Variants in LRRFIP2 observed in about 807,000 individuals in gnomAD.
LRRFIP2 encodes the protein LRR binding FLII interacting protein 2.
A neutral mutation model predicts 125.9 loss-of-function variants in LRRFIP2; 109 were observed. The ratio of observed to expected loss-of-function variants is 0.87; its 90% CI spans 0.74 to 1.01. LRRFIP2 has a LOEUF of 1.01. Among genes scored for constraint, LRRFIP2 ranks in the 50% least tolerant of loss-of-function variants. LRRFIP2 has a pLI of 0.00. For synonymous variants in LRRFIP2, 291 were observed against 293.1 expected (o/e 0.99, Z 0.07); for missense variants, 850 against 862.3 (o/e 0.99, Z 0.18).
At chr3:37,083,872 G>T in intron 18 of LRRFIP2, 66 bp from the exon 19 acceptor site, 1 of 1,230,298 alleles carries the variant, frequency 8.1e-7, no homozygotes. Context: ...AATATAACAG[G>T]AAATTATAGC....
intron 1 of LRRFIP2, among the ~76,000 whole-genome samples, chr3:37,159,988 GCAAAAAA>G (rs2096291747): frequency 2.4e-5 from 1 of 41,040 alleles, no homozygotes; most frequent in African/African-American, 1.2e-4. Context: ...AGCCCTATGC[GCAAAAAA>G]AAAAAAAAAA....
chr3:37,084,383 CCAGGCA>C (rs1300739167), intron 18 of LRRFIP2, among the ~76,000 whole-genome samples: 1 of 152,072 alleles, frequency 6.6e-6, no homozygotes, highest in Non-Finnish European at 1.5e-5. Flanking sequence ...AAGAGCTTGG[CCAGGCA>C]CAGTGGCTCA....
intron 23 of LRRFIP2, 107 bp downstream of exon 23, chr3:37,065,703 G>T: frequency 7.4e-7 from 1 of 1,353,316 alleles, no homozygotes. Context: ...GGATCTACTT[G>T]AGTCTCAGCC....
At chr3:37,081,442 A>G (rs997849359) in intron 19 of LRRFIP2, among the ~76,000 whole-genome samples, 1 of 152,160 alleles carries the variant, frequency 6.6e-6, no homozygotes, top group African/African-American at 2.4e-5. Context: ...CTGAATATAA[A>G]CATTCTACTT....
intron 25 of LRRFIP2, among the ~76,000 whole-genome samples, 186 bp downstream of exon 25, chr3:37,058,604 G>C (rs1270761359): frequency 6.6e-6 from 1 of 151,844 alleles, no homozygotes; most frequent in Non-Finnish European, 1.5e-5. Context: ...GAACCCAGGA[G>C]GCAGAGGCTG....
At position 37,056,039 on chromosome 3, in the gene LRRFIP2, CG is replaced by C. The variant is rs139080929; in HGVS notation, c.1871-875del. ...GACATTTGTCATGCTTTTTAAACAT[CG>C]TATGTGTAAGCAAGAAGAGGGGCCC... On this transcript the variant is annotated intron_variant, in intron 25 of 27. Coordinates refer to ENST00000336686, the MANE Select transcript of LRRFIP2 (RefSeq NM_006309.4). Among the ~76,000 whole-genome samples, 92 of 152,224 alleles carry C rather than the reference CG, an allele frequency of 6.0e-4. 1 individual carries two copies. The East Asian group carries it at 0.016, about 26-fold the overall frequency.
intron 17 of LRRFIP2, among the ~76,000 whole-genome samples, 175 bp from the exon 18 acceptor site, chr3:37,091,713 G>A (rs1279771980): frequency 6.6e-6 from 1 of 152,156 alleles, no homozygotes; most frequent in Non-Finnish European, 1.5e-5. Context: ...AATAGGTCAG[G>A]GGATAGTGGG....
intron 25 of LRRFIP2, among the ~76,000 whole-genome samples, chr3:37,055,459 G>A (rs922516219): frequency 2.0e-5 from 3 of 152,078 alleles, no homozygotes; most frequent in African/African-American, 4.8e-5. Context: ...CCAGCTACTC[G>A]GGAAGCTGAG....
Position 37,148,993 on chromosome 3 carries a change from TTAA to T in LRRFIP2, c.-13_-11del. ...AAGCAGGAGTCCCCATCTTGTGTTC[TTAA>T]TAGTCTTTTAACTTTGAAAGTGATT... On this transcript the variant is annotated 5_prime_UTR_variant, in exon 2 of 28. Coordinates refer to ENST00000336686, the MANE Select transcript of LRRFIP2 (RefSeq NM_006309.4). 2 of 1,613,664 alleles carry T rather than the reference TTAA, an allele frequency of 1.2e-6. No individual in the cohort carries two copies. The highest frequency in any genetic ancestry group is 1.7e-6 in the Non-Finnish European group (2 of 1,179,858).
At chr3:37,159,306 G>A (rs1437885113) in intron 1 of LRRFIP2, among the ~76,000 whole-genome samples, 2 of 152,142 alleles carry the variant, frequency 1.3e-5, no homozygotes, top group Non-Finnish European at 2.9e-5. Flanking sequence ...AAAAGTAAGG[G>A]TTTACTTTCT....
rs1165781183 is a variant in LRRFIP2 at position 37,052,862 on chromosome 3, A to G, written c.*989T>C. 6.6e-6 allele frequency: 1 copy of G among 152,220 alleles called. No homozygotes were observed. The highest frequency in any genetic ancestry group is 2.1e-4 in the South Asian group (1 of 4,834). The allele number at this position is 152,220 out of a possible 1,614,324, so 9.4% of individuals were successfully genotyped here. The stretch of plus-strand genomic sequence containing the variant: ...TTTAAAAAAACCTCTTGGACAGGGT[A>G]CCTCTAAAGGTGAAACTCAAGTCTT... On this transcript the variant is annotated 3_prime_UTR_variant, in exon 28 of 28. Transcript: ENST00000336686.
At chr3:37,119,852 G>A (rs180928696) in intron 6 of LRRFIP2, among the ~76,000 whole-genome samples, 1 of 151,818 alleles carries the variant, frequency 6.6e-6, no homozygotes, top group Non-Finnish European at 1.5e-5. Context: ...TAGAGACAGG[G>A]GTTTTTGCCA....
At chr3:37,102,439 T>C (rs773197307) in intron 15 of LRRFIP2, among the ~76,000 whole-genome samples, 4 of 151,950 alleles carry the variant, frequency 2.6e-5, no homozygotes, top group East Asian at 1.9e-4. Context: ...AAAGAACATA[T>C]TAATAAATAC....
intron 9 of LRRFIP2, among the ~76,000 whole-genome samples, chr3:37,110,422 T>C (rs114446054): frequency 0.013 from 2,042 of 152,312 alleles, 23 homozygotes; most frequent in Non-Finnish European, 0.02. Flanking sequence ...TTAAACAAAA[T>C]TATTTTAAAT....
intron 21 of LRRFIP2, among the ~76,000 whole-genome samples, chr3:37,071,098 TAACAG>T (rs1324602050): frequency 6.6e-6 from 1 of 152,240 alleles, no homozygotes; most frequent in Non-Finnish European, 1.5e-5. Flanking sequence ...TCAAAACACC[TAACAG>T]AATTATTGAT....
At chr3:37,169,264 C>A (rs1047826005) in intron 1 of LRRFIP2, among the ~76,000 whole-genome samples, 2 of 152,086 alleles carry the variant, frequency 1.3e-5, no homozygotes, top group Non-Finnish European at 2.9e-5. Context: ...AAAAGGTCAA[C>A]AGAGTAAATT....
intron 19 of LRRFIP2, among the ~76,000 whole-genome samples, chr3:37,078,889 G>A (rs1252838136): frequency 1.3e-5 from 2 of 151,900 alleles, no homozygotes; most frequent in Non-Finnish European, 2.9e-5. Context: ...GCCAAAGATG[G>A]GACAATTTTA....
chr3:37,165,863 G>T (rs2096477222), intron 1 of LRRFIP2, among the ~76,000 whole-genome samples: 1 of 149,360 alleles, frequency 6.7e-6, no homozygotes, highest in Admixed American at 6.7e-5. Flanking sequence ...GAAAGAGAAA[G>T]AAAGAAAGAA....
chr3:37,152,920 C>T (rs1356283131), intron 1 of LRRFIP2, among the ~76,000 whole-genome samples: 3 of 152,074 alleles, frequency 2.0e-5, no homozygotes, highest in Admixed American at 2.0e-4. Context: ...AGATATTTCA[C>T]AGAAGCAGGA....
Sources: allele counts gnomAD v4.1 joint callset (sites outside exome capture counted in the v4.1 genomes callset), GRCh38; gene constraint gnomAD v4.1.1; transcripts MANE v1.5; gene names NCBI Gene and HGNC (gene_info 2026-07-23, HGNC 2026-07-21).